The following CCDC175 variants were observed in gnomAD, a reference collection of about 807,000 sequenced individuals.
CCDC175 encodes the protein coiled-coil domain containing 175.
CCDC175 carries 100 observed loss-of-function variants against 114.6 expected under a neutral mutation model. The ratio of observed to expected loss-of-function variants is 0.87; its 90% CI spans 0.74 to 1.03. The LOEUF is 1.03. Among genes scored for constraint, CCDC175 ranks in the 50% least tolerant of loss-of-function variants. The pLI, the probability that CCDC175 is intolerant of heterozygous loss-of-function variation, is 0.00. For synonymous variants in CCDC175, 306 were observed against 308.7 expected (o/e 0.99, Z 0.09); for missense variants, 880 against 917.8 (o/e 0.96, Z 0.53).
At chr14:59,508,712 T>A (rs1355980050) in intron 19 of CCDC175, among the ~76,000 whole-genome samples, 1 of 152,074 alleles carries the variant, frequency 6.6e-6, no homozygotes, top group Non-Finnish European at 1.5e-5. Context: ...GTCTTGGGAT[T>A]CGTGCCCTTA....
At position 59,527,081 on chromosome 14, in the gene CCDC175, C is replaced by A; in HGVS notation, c.1842+14G>T. 1 of 1,289,022 alleles carries A rather than the reference C, an allele frequency of 7.8e-7. No homozygotes were observed. The highest frequency in any genetic ancestry group is 3.0e-5 in the Admixed American group (1 of 33,252). 79.8% of individuals were successfully genotyped at this position (1,289,022 alleles called of 1,614,324 possible). A position where few individuals can be genotyped will look rare whatever the true frequency, so the allele number is the denominator to read the frequency against. On this transcript the variant is annotated intron_variant, in intron 15 of 19. Transcript: ENST00000537690. ...ATAATAATAAAAAAAAGAATTAATG[C>A]ATTGATCTTTTACCATGTTGCTAAT... is the stretch of plus-strand genomic sequence containing the variant.
intron 7 of CCDC175, among the ~76,000 whole-genome samples, chr14:59,558,574 G>A (rs865885337): frequency 4.6e-5 from 7 of 152,316 alleles, no homozygotes; most frequent in Middle Eastern, 3.4e-3. Flanking sequence ...GATGGCCCCT[G>A]GGCTTTTGGC....
chr14:59,541,195 G>C (rs758209332), intron 10 of CCDC175, among the ~76,000 whole-genome samples: 1 of 152,132 alleles, frequency 6.6e-6, no homozygotes, highest in African/African-American at 2.4e-5. Flanking sequence ...TATGACACAA[G>C]AGGAAGTAAG....
chr14:59,559,704 A>G (rs1896122628), intron 7 of CCDC175, among the ~76,000 whole-genome samples: 1 of 152,104 alleles, frequency 6.6e-6, no homozygotes, highest in South Asian at 2.1e-4. Flanking sequence ...AATACAAGGA[A>G]CTTTCTTTTA....
chr14:59,531,508 A>G (rs1261754834), intron 14 of CCDC175, among the ~76,000 whole-genome samples: 1 of 152,222 alleles, frequency 6.6e-6, no homozygotes, highest in East Asian at 1.9e-4. Context: ...GTATGGAGAG[A>G]AAGAAAATAA....
chr14:59,542,614 C>A (rs1894851236), intron 10 of CCDC175, among the ~76,000 whole-genome samples: 1 of 151,918 alleles, frequency 6.6e-6, no homozygotes, highest in Non-Finnish European at 1.5e-5. Context: ...CTATAATCTG[C>A]ATAGAATACT....
At position 59,510,673 on chromosome 14, in the gene CCDC175, C is replaced by T. The variant is rs1460463010; in HGVS notation, c.2278G>A (p.Glu760Lys). 1.3e-6 allele frequency: 2 copies of T among 1,537,056 alleles called. No homozygotes were observed. Among genetic ancestry groups the T allele is most frequent in the Non-Finnish European group, 1.7e-6 (2 of 1,146,864 alleles). Residue 760 changes from glutamate to lysine, a missense_variant, in exon 19 of 20, where the codon GAA becomes AAA. Glu to Lys is a moderately conservative substitution (Grantham distance 56). Transcript: ENST00000537690. The part of the protein sequence containing the change: ...GSLEGLRLLV[E>K]QESPMDLLKK... Reference sequence around the variant, plus strand: ...AGAAGGTCCATTGGTGATTCCTGTTCCACAAGCAAACGCAGCCCTTCAAGA... The same window carrying T: ...AGAAGGTCCATTGGTGATTCCTGTTTCACAAGCAAACGCAGCCCTTCAAGA...
At chr14:59,524,618 G>A (rs1218039141) in intron 16 of CCDC175, among the ~76,000 whole-genome samples, 1 of 152,172 alleles carries the variant, frequency 6.6e-6, no homozygotes, top group Non-Finnish European at 1.5e-5. Context: ...CATTGCTGGT[G>A]GGAGTGGCAA....
intron 19 of CCDC175, among the ~76,000 whole-genome samples, chr14:59,506,487 C>T (rs1378070254): frequency 1.3e-5 from 2 of 151,858 alleles, no homozygotes; most frequent in Non-Finnish European, 1.5e-5. Flanking sequence ...GGGGTTTCAC[C>T]CTGTTGGTCA....
chr14:59,523,155 A>G (rs1249418405), intron 16 of CCDC175, among the ~76,000 whole-genome samples: 1 of 152,234 alleles, frequency 6.6e-6, no homozygotes, highest in East Asian at 1.9e-4. Context: ...TCTTTTAAGA[A>G]ATAATCTATA....
Position 59,568,287 on chromosome 14 carries a change from T to C in CCDC175, c.449A>G (p.Lys150Arg), listed in dbSNP as rs1166897127. The change falls in exon 4 of 20, where the codon AAG becomes AGG. Residue 150 changes from lysine (K) to arginine (R), a missense_variant. Lys to Arg is a conservative substitution (Grantham distance 26). Coordinates refer to ENST00000537690, the MANE Select transcript of CCDC175 (RefSeq NM_001164399.2). ...TRTENEIELL[K>R]KKITDLTKYN... ...TTTTGTCAGGTCAGTTATTTTCTTCTTCAGAAGCTCTATTTCATTCTCTGT... is the reference window on the plus strand; with the variant it reads ...TTTTGTCAGGTCAGTTATTTTCTTCCTCAGAAGCTCTATTTCATTCTCTGT... 1.2e-5 allele frequency: 19 copies of C among 1,533,110 alleles called. No individual in the cohort carries two copies. Among genetic ancestry groups the C allele is most frequent in the Admixed American group, 4.0e-5 (2 of 49,888 alleles). 95.0% of individuals were successfully genotyped at this position (1,533,110 alleles called of 1,614,324 possible).
chr14:59,558,021 C>T (rs1025093364), intron 7 of CCDC175, among the ~76,000 whole-genome samples: 1 of 152,172 alleles, frequency 6.6e-6, no homozygotes, highest in African/African-American at 2.4e-5. Flanking sequence ...GAATGCAGCT[C>T]TAGACAGGTG....
At chr14:59,554,180 CAG>C (rs1895715233) in intron 7 of CCDC175, among the ~76,000 whole-genome samples, 1 of 152,162 alleles carries the variant, frequency 6.6e-6, no homozygotes, top group Non-Finnish European at 1.5e-5. Context: ...CAGCACCACA[CAG>C]CACTTATTCC....
intron 9 of CCDC175, 22 bp from the exon 10 acceptor site, chr14:59,543,476 T>C (rs1310764568): frequency 3.0e-6 from 3 of 997,676 alleles, no homozygotes; most frequent in East Asian, 2.8e-5. Flanking sequence ...AACAGAGTTA[T>C]TTGTTGAAGG....
At chr14:59,520,033 G>A (rs920328431) in intron 17 of CCDC175, among the ~76,000 whole-genome samples, 1 of 152,216 alleles carries the variant, frequency 6.6e-6, no homozygotes, top group Non-Finnish European at 1.5e-5. Flanking sequence ...CAGCCTTCAA[G>A]TTGCCCTGGC....
At chr14:59,574,855 T>A (rs1321306822) in intron 2 of CCDC175, 88 bp downstream of exon 2, 2 of 702,972 alleles carry the variant, frequency 2.8e-6, no homozygotes, top group African/African-American at 3.6e-5. Flanking sequence ...GTCATCTACT[T>A]AATACTTTGA....
intron 17 of CCDC175, among the ~76,000 whole-genome samples, chr14:59,520,819 AG>A (rs1225253996): frequency 1.3e-5 from 2 of 152,226 alleles, no homozygotes; most frequent in African/African-American, 4.8e-5. Flanking sequence ...AATGGTTTCC[AG>A]GAACTAGAGA....
intron 8 of CCDC175, among the ~76,000 whole-genome samples, chr14:59,547,135 T>C (rs761894015): frequency 3.1e-4 from 47 of 151,982 alleles, no homozygotes; most frequent in Non-Finnish European, 5.6e-4. Flanking sequence ...ATAGAAATTC[T>C]CAGATTTAAG....
At chr14:59,526,986 T>G (rs1215547022) in intron 15 of CCDC175, 109 bp downstream of exon 15, 1 of 597,184 alleles carries the variant, frequency 1.7e-6, no homozygotes, top group African/African-American at 1.9e-5. Context: ...TGGGTAAGTT[T>G]AACAAATGTG....
Sources: gnomAD v4.1 joint callset for allele counts (sites outside exome capture counted in the v4.1 genomes callset) on GRCh38, gnomAD v4.1.1 for gene constraint, MANE v1.5 for transcripts, NCBI Gene and HGNC (gene_info 2026-07-23, HGNC 2026-07-21) for gene names.